SCLT1: variants seen among roughly 807,000 people sequenced by gnomAD.
SCLT1 encodes the protein sodium channel-associated protein 1.
SCLT1 carries 78 observed loss-of-function variants against 112.8 expected under a neutral mutation model. That is an observed-to-expected ratio of 0.69 (90% CI 0.58 to 0.83). The LOEUF (loss-of-function observed/expected upper bound fraction) is 0.83. Among genes scored for constraint, SCLT1 ranks in the 40% least tolerant of loss-of-function variants. The pLI, the probability that SCLT1 is intolerant of heterozygous loss-of-function variation, is 0.00. For missense variants in SCLT1, 747 were observed against 770.4 expected, an observed-to-expected ratio of 0.97 and a Z score of 0.36; for synonymous variants, 257 against 254.7, an observed-to-expected ratio of 1.01 and a Z score of -0.09.
chr4:128,943,175 T>G lies in SCLT1; in HGVS notation c.1453A>C (p.Ile485Leu). The G allele has an allele frequency of 6.2e-7, 1 of 1,607,746 alleles. No homozygotes were observed. The highest frequency in any genetic ancestry group is 8.5e-7 in the Non-Finnish European group (1 of 1,177,368). ...KQLETDSSEEISRYQEMIQKL... is the reference protein window; with the variant it reads ...KQLETDSSEELSRYQEMIQKL... ...TGAATCATTTCTTGGTAACGTGATATTTCTTCTGAGGAGCTGATTAAAAAA... is the reference window on the plus strand; with the variant it reads ...TGAATCATTTCTTGGTAACGTGATAGTTCTTCTGAGGAGCTGATTAAAAAA... The change falls in exon 17 of 21, where the codon ATA (isoleucine) becomes CTA (leucine). Residue 485 changes from isoleucine to leucine, a missense_variant. Coordinates refer to ENST00000281142, the MANE Select transcript of SCLT1 (RefSeq NM_144643.4).
chr4:128,933,490 C>T (rs1736939324), intron 18 of SCLT1, among the ~76,000 whole-genome samples: 1 of 152,058 alleles, frequency 6.6e-6, no homozygotes, highest in Admixed American at 6.5e-5. Flanking sequence ...TGATGTGACC[C>T]CAGTAATCTT....
At chr4:128,901,269 C>T (rs561514412) in intron 18 of SCLT1, among the ~76,000 whole-genome samples, 2 of 152,220 alleles carry the variant, frequency 1.3e-5, no homozygotes, top group East Asian at 3.9e-4. Context: ...CTGGAGCCAA[C>T]CCAAATGTGC....
At position 128,952,813 on chromosome 4, in the gene SCLT1, T is replaced by C; in HGVS notation, c.1174A>G (p.Ile392Val). ...EVANTKKQCN[I>V]QISRLTEELS... ...TCTTCTGTTAATCGAGAAATTTGTA[T>C]ATTACATTGTTTTTTGGTGTTTGCA... Residue 392 changes from isoleucine to valine, a missense_variant, in exon 14 of 21, where the codon ATA becomes GTA. This residue lies in a region of SCLT1 where 723 missense variants were observed against 721.3 expected (regional missense o/e 1.00). Coordinates refer to ENST00000281142, the MANE Select transcript of SCLT1 (RefSeq NM_144643.4). 6.4e-7 allele frequency: 1 copy of C among 1,569,026 alleles called. No homozygotes were observed. The highest frequency in any genetic ancestry group is 8.8e-7 in the Non-Finnish European group (1 of 1,139,076).
intron 1 of SCLT1, among the ~76,000 whole-genome samples, chr4:129,085,796 A>T (rs1279417858): frequency 6.6e-6 from 1 of 152,160 alleles, no homozygotes; most frequent in Non-Finnish European, 1.5e-5. Flanking sequence ...TCTCAATTAT[A>T]AGTGGGAGGT....
At chr4:129,018,726 T>C (rs974749885) in intron 5 of SCLT1, among the ~76,000 whole-genome samples, 1 of 152,162 alleles carries the variant, frequency 6.6e-6, no homozygotes, top group Non-Finnish European at 1.5e-5. Context: ...TACATTTATA[T>C]TAAGTCAAAG....
chr4:128,976,776 T>C (rs1373253100), intron 9 of SCLT1, among the ~76,000 whole-genome samples: 1 of 152,162 alleles, frequency 6.6e-6, no homozygotes, highest in Non-Finnish European at 1.5e-5. Context: ...AGAGGAATTA[T>C]ATATCTCACA....
chr4:129,053,002 G>C (rs1310371154), intron 2 of SCLT1, among the ~76,000 whole-genome samples: 1 of 152,170 alleles, frequency 6.6e-6, no homozygotes, highest in Non-Finnish European at 1.5e-5. Flanking sequence ...AGTCATTCAA[G>C]AGCAGGTTGT....
At chr4:128,885,737 C>T (rs1301425140) in intron 20 of SCLT1, among the ~76,000 whole-genome samples, 1 of 152,184 alleles carries the variant, frequency 6.6e-6, no homozygotes, top group Admixed American at 6.5e-5. Context: ...CCAAACTGTG[C>T]TCCGGAGACT....
chr4:128,958,517 T>C (rs921376), intron 12 of SCLT1, among the ~76,000 whole-genome samples: 35,061 of 152,090 alleles, frequency 0.23, 4,680 homozygotes, highest in East Asian at 0.31. Context: ...GGGAGGAGGA[T>C]GGGCAATGAG....
At chr4:128,912,306 AGTACCATCTAGCAG>A (rs1186392906) in intron 18 of SCLT1, among the ~76,000 whole-genome samples, 9 of 152,208 alleles carry the variant, frequency 5.9e-5, no homozygotes, top group African/African-American at 2.2e-4. Context: ...GAGATATGGA[AGTACCATCTAGCAG>A]TTAGTCTGGT....
chr4:129,052,053 C>T (rs900127408), intron 2 of SCLT1, among the ~76,000 whole-genome samples: 4 of 152,012 alleles, frequency 2.6e-5, no homozygotes, highest in South Asian at 4.1e-4. Flanking sequence ...ATGTTAAACC[C>T]GCCTTGCATC....
chr4:128,920,972 A>T (rs1180363502), intron 18 of SCLT1, among the ~76,000 whole-genome samples: 1 of 152,236 alleles, frequency 6.6e-6, no homozygotes, highest in African/African-American at 2.4e-5. Flanking sequence ...AGGATACAAA[A>T]TTAATGTACC....
chr4:128,997,804 T>C (rs1579639582), intron 8 of SCLT1, 70 bp downstream of exon 8: 1 of 739,892 alleles, frequency 1.4e-6, no homozygotes, highest in Non-Finnish European at 2.1e-6. Flanking sequence ...TATTGTTGAT[T>C]TATATTAACA....
rs868330101 is a variant in SCLT1, at chr4:129,046,431, T to C, written c.103-2380A>G. Among the ~76,000 whole-genome samples the C allele has an allele frequency of 3.3e-5, 5 of 152,196 alleles. 1 individual carries two copies. In the Middle Eastern group the frequency reaches 0.017, roughly 518 times the overall value. On this transcript the variant is annotated intron_variant, in intron 2 of 20. Coordinates refer to ENST00000281142, the MANE Select transcript of SCLT1 (RefSeq NM_144643.4). ...ACATTATAAAAATATAACCACACAG[T>C]ATATTTTCTGTTATGTCTGGCTTCT...
In SCLT1 at chr4:129,044,004, T is replaced by C. The variant is rs1477142518; in HGVS notation, c.150A>G (p.Val50=). ...GEGDDTFENL[V]FDQSFLAPLV... ...TGGTAATACTTTACCTTTGGTCAAA[T>C]ACTAGGTTTTCAAATGTGTCGTCTC... Residue 50 remains valine (V), a synonymous_variant, in exon 3 of 21, where the codon GTA becomes GTG. Coordinates refer to ENST00000281142, the MANE Select transcript of SCLT1 (RefSeq NM_144643.4). The C allele has an allele frequency of 2.0e-6, 3 of 1,522,834 alleles. No individual in the cohort carries two copies. Among genetic ancestry groups the C allele is most frequent in the Non-Finnish European group, 2.7e-6 (3 of 1,103,660 alleles). 94.3% of individuals were successfully genotyped at this position (1,522,834 alleles called of 1,614,324 possible).
Position 129,093,114 on chromosome 4 carries a change from TTTTAG to T in SCLT1, c.-16_-12del, listed in dbSNP as rs1245983378. 1 of 1,613,112 alleles carries T rather than the reference TTTTAG, an allele frequency of 6.2e-7. No homozygotes were observed. Among genetic ancestry groups the T allele is most frequent in the South Asian group, 1.1e-5 (1 of 91,068 alleles). ...GATTTCTGCAGCCATTTCGATACAA[TTTTAG>T]TTTAGAGCTTTCACCACCTTTACCT... On this transcript the variant is annotated 5_prime_UTR_variant, in exon 1 of 21. Coordinates refer to ENST00000281142, the MANE Select transcript of SCLT1 (RefSeq NM_144643.4).
intron 1 of SCLT1, among the ~76,000 whole-genome samples, chr4:129,083,641 G>C (rs1752151837): frequency 6.6e-6 from 1 of 151,806 alleles, no homozygotes; most frequent in African/African-American, 2.4e-5. Context: ...CTCCAGCCTG[G>C]GCAACAGAGC....
intron 19 of SCLT1, among the ~76,000 whole-genome samples, chr4:128,888,991 A>G (rs554465305): frequency 6.2e-4 from 94 of 152,364 alleles, no homozygotes; most frequent in African/African-American, 2.2e-3. Flanking sequence ...GCCAGCAAAG[A>G]AAGTGAATTA....
chr4:129,067,570 G>A (rs1466439802), intron 2 of SCLT1, among the ~76,000 whole-genome samples: 1 of 152,054 alleles, frequency 6.6e-6, no homozygotes, highest in Non-Finnish European at 1.5e-5. Flanking sequence ...GAGTGCCATG[G>A]AATGATCTCA....
Sources: gnomAD v4.1 joint callset for allele counts (sites outside exome capture counted in the v4.1 genomes callset) on GRCh38, gnomAD v4.1.1 for gene constraint, gnomAD v4.1.1 regional missense constraint, MANE v1.5 for transcripts, NCBI Gene and HGNC (gene_info 2026-07-23, HGNC 2026-07-21) for gene names.